Variants in INTS9 observed in about 807,000 individuals in gnomAD.
The protein encoded by INTS9 is integrator complex subunit 9.
In INTS9, 55 loss-of-function variants were observed where a neutral mutation model predicts 79.7. The ratio of observed to expected loss-of-function variants is 0.69; its 90% CI spans 0.56 to 0.86. INTS9 has a LOEUF of 0.86. Among genes scored for constraint, INTS9 ranks in the 40% least tolerant of loss-of-function variants. The pLI is 0.00. For synonymous variants in INTS9, 319 were observed against 325.2 expected (o/e 0.98, Z 0.20); for missense variants, 721 against 831.5 (o/e 0.87, Z 1.64).
chr8:28,786,241 TG>T (rs1168096304), intron 11 of INTS9, among the ~76,000 whole-genome samples: 1 of 152,176 alleles, frequency 6.6e-6, no homozygotes, highest in East Asian at 1.9e-4. Context: ...CTATTGTTGA[TG>T]GGAATTTGAG....
chr8:28,856,097 G>A (rs1456529013), intron 2 of INTS9, among the ~76,000 whole-genome samples: 2 of 152,306 alleles, frequency 1.3e-5, no homozygotes, highest in African/African-American at 4.8e-5. Context: ...GGGTCAAGAT[G>A]AGAATTGATG....
In INTS9 at chr8:28,771,203, T is replaced by C. The variant is rs768996619; in HGVS notation, c.1564-123A>G. ...AATAACTTTAAAGGTAAACAATTTTTTTTTTTTTGAGATGGAGTCTTGCTC... is the reference window on the plus strand; with the variant it reads ...AATAACTTTAAAGGTAAACAATTTTCTTTTTTTTGAGATGGAGTCTTGCTC... On this transcript the variant is annotated intron_variant, in intron 14 of 16. Transcript: ENST00000521022. 4 of 809,712 alleles carry C rather than the reference T, an allele frequency of 4.9e-6. No homozygotes were observed. In the South Asian group the frequency reaches 5.8e-5, roughly 12 times the overall value. 50.2% of individuals were successfully genotyped at this position (809,712 alleles called of 1,614,324 possible). A position where few individuals can be genotyped will look rare whatever the true frequency, so the allele number is the denominator to read the frequency against.
At chr8:28,770,095 T>C (rs1420679039) in intron 15 of INTS9, 69 bp from the exon 16 acceptor site, 188 of 1,560,590 alleles carry the variant, frequency 1.2e-4, no homozygotes, top group Non-Finnish European at 1.5e-4. Flanking sequence ...CAGGCCACAC[T>C]GAGAGCCTGA....
rs112254588 is a variant in INTS9 at position 28,837,248 on chromosome 8, G to A, written c.401+389C>T. Among the ~76,000 whole-genome samples the A allele has an allele frequency of 4.7e-3, 708 of 152,056 alleles. 4 individuals are homozygous for A. The highest frequency in any genetic ancestry group is 0.016 in the African/African-American group (666 of 41,494). ...ATAGTCTACAACAAACCACAAAAAG[G>A]GGGAATTTTTGAAAGCAAAGCAATA... On this transcript the variant is annotated intron_variant, in intron 5 of 16. Transcript: ENST00000521022.
At chr8:28,814,947 TGGC>T (rs981720230) in intron 6 of INTS9, among the ~76,000 whole-genome samples, 1 of 152,214 alleles carries the variant, frequency 6.6e-6, no homozygotes, top group African/African-American at 2.4e-5. Context: ...GTCCTACCCA[TGGC>T]ACATAGACTT....
At chr8:28,794,116 TAAG>T (rs1367158384) in intron 9 of INTS9, 129 bp from the exon 10 acceptor site, 5 of 686,502 alleles carry the variant, frequency 7.3e-6, no homozygotes, top group Non-Finnish European at 1.1e-5. Context: ...ACATGTCTAA[TAAG>T]CTGCTTCTTT....
intron 6 of INTS9, among the ~76,000 whole-genome samples, chr8:28,822,907 C>T (rs1805925683): frequency 6.6e-6 from 1 of 152,100 alleles, no homozygotes; most frequent in African/African-American, 2.4e-5. Context: ...TTACTTCCCA[C>T]ACACTCTTTG....
At chr8:28,775,311 C>T (rs1385249560) in intron 14 of INTS9, among the ~76,000 whole-genome samples, 1 of 152,208 alleles carries the variant, frequency 6.6e-6, no homozygotes, top group East Asian at 1.9e-4. Flanking sequence ...AATCCCCCCT[C>T]TTCCCGGTTA....
At chr8:28,817,842 T>C (rs1805588613) in intron 6 of INTS9, among the ~76,000 whole-genome samples, 1 of 151,028 alleles carries the variant, frequency 6.6e-6, no homozygotes, top group African/African-American at 2.4e-5. Flanking sequence ...GAGCAGTTGT[T>C]TGTAGTTCTC....
chr8:28,769,195 T>C (rs1288435646), intron 16 of INTS9, among the ~76,000 whole-genome samples: 2 of 152,240 alleles, frequency 1.3e-5, no homozygotes, highest in Non-Finnish European at 2.9e-5. Context: ...GCAACTGTGA[T>C]ATTTACATTG....
chr8:28,866,647 T>A (rs1267047551), intron 1 of INTS9, among the ~76,000 whole-genome samples: 1 of 152,218 alleles, frequency 6.6e-6, no homozygotes, highest in African/African-American at 2.4e-5. Flanking sequence ...CAAGATTAAA[T>A]CATATTATGT....
chr8:28,845,754 G>A (rs1445500419), intron 4 of INTS9, among the ~76,000 whole-genome samples: 1 of 152,152 alleles, frequency 6.6e-6, no homozygotes, highest in African/African-American at 2.4e-5. Context: ...CTGGATTCTT[G>A]GATTCTTTCA....
chr8:28,822,413 TCCA>T (rs750007900), intron 6 of INTS9, among the ~76,000 whole-genome samples: 7 of 152,158 alleles, frequency 4.6e-5, no homozygotes, highest in Admixed American at 6.5e-5. Context: ...ACATATAGTC[TCCA>T]CCACAACTAT....
chr8:28,796,933 A>G (rs1187893003), intron 8 of INTS9: 1 of 312,700 alleles, frequency 3.2e-6, no homozygotes, highest in East Asian at 5.1e-5. Context: ...CACATTTAAG[A>G]TCTTTGTGTT....
intron 11 of INTS9, chr8:28,784,118 G>A (rs1585346354): frequency 1.3e-5 from 2 of 152,176 alleles, no homozygotes; most frequent in South Asian, 2.1e-4. Context: ...TGGAACCACC[G>A]TTTCTCATGG....
intron 10 of INTS9, 88 bp from the exon 11 acceptor site, chr8:28,787,977 A>G (rs1465881734): frequency 3.9e-6 from 3 of 759,646 alleles, no homozygotes; most frequent in Non-Finnish European, 6.4e-6. Flanking sequence ...CAAATATTAA[A>G]TACTGAAGTT....
chr8:28,866,201 T>C (rs1808735077), intron 1 of INTS9, among the ~76,000 whole-genome samples: 1 of 152,182 alleles, frequency 6.6e-6, no homozygotes, highest in African/African-American at 2.4e-5. Flanking sequence ...AGAGTCTCCA[T>C]GTTACACGAT....
At chr8:28,784,823 CT>C (rs1318803880) in intron 11 of INTS9, among the ~76,000 whole-genome samples, 1 of 152,132 alleles carries the variant, frequency 6.6e-6, no homozygotes, top group African/African-American at 2.4e-5. Context: ...ACACTGCCCC[CT>C]CTCATCTACA....
Position 28,813,793 on chromosome 8 carries a change from A to G in INTS9, c.489-181T>C, listed in dbSNP as rs1805300630. 9.8e-6 allele frequency: 6 copies of G among 610,528 alleles called. No individual in the cohort carries two copies. In the South Asian group the frequency reaches 1.3e-4, roughly 14 times the overall value. The allele number at this position is 610,528 out of a possible 1,614,324, so 37.8% of individuals were successfully genotyped here. ...TTTACTTTTTTTGAGACAGAGTCTC[A>G]CTGTGTCACCAGGCTGGAGTGCTAT... On this transcript the variant is annotated intron_variant, in intron 6 of 16. Transcript: ENST00000521022.
Sources: allele counts gnomAD v4.1 joint callset (sites outside exome capture counted in the v4.1 genomes callset), GRCh38; gene constraint gnomAD v4.1.1; transcripts MANE v1.5; gene names NCBI Gene and HGNC (gene_info 2026-07-23, HGNC 2026-07-21).